The following CNTN5 variants were observed in gnomAD, a reference collection of about 807,000 sequenced individuals.
CNTN5 encodes the protein contactin 5, also known as contactin-5.
In CNTN5, 77 loss-of-function variants were observed where a neutral mutation model predicts 129.1. The observed-to-expected ratio is 0.60, with a 90% CI of 0.50 to 0.72. The LOEUF is 0.72. Ranked by LOEUF, CNTN5 falls within the 30% of genes least tolerant of loss-of-function variation. CNTN5 has a pLI of 0.00. For synonymous variants in CNTN5, 509 were observed against 465.6 expected, an observed-to-expected ratio of 1.09 and a Z score of -1.20; for missense variants, 1,478 against 1,328.8, an observed-to-expected ratio of 1.11 and a Z score of -1.75.
intron 3 of CNTN5, among the ~76,000 whole-genome samples, chr11:99,792,098 C>T (rs944432260): frequency 2.6e-5 from 4 of 151,840 alleles, no homozygotes; most frequent in Non-Finnish European, 5.9e-5. Context: ...ATTTTTTTCT[C>T]TTGCCTGTTT....
intron 13 of CNTN5, among the ~76,000 whole-genome samples, chr11:100,115,136 A>AG (rs1242808292): frequency 1.5e-4 from 22 of 150,174 alleles, no homozygotes; most frequent in African/African-American, 2.2e-4. Flanking sequence ...AAAAAAAAAA[A>AG]AAAGAAAGAA....
At chr11:100,206,175 T>A (rs1200148497) in intron 15 of CNTN5, among the ~76,000 whole-genome samples, 1 of 151,988 alleles carries the variant, frequency 6.6e-6, no homozygotes, top group African/African-American at 2.4e-5. Flanking sequence ...CTAAACCAAA[T>A]GTTACCTGTG....
At chr11:99,877,879 A>G (rs952368609) in intron 6 of CNTN5, among the ~76,000 whole-genome samples, 4 of 152,162 alleles carry the variant, frequency 2.6e-5, no homozygotes, top group Non-Finnish European at 5.9e-5. Flanking sequence ...ACCATTCACT[A>G]TCAAAAGTTT....
chr11:99,715,354 C>T (rs1483154145), intron 3 of CNTN5, among the ~76,000 whole-genome samples: 1 of 151,692 alleles, frequency 6.6e-6, no homozygotes, highest in Non-Finnish European at 1.5e-5. Flanking sequence ...TGAGGCCATC[C>T]TTCCCACCTC....
At chr11:100,186,690 C>G (rs186512304) in intron 13 of CNTN5, among the ~76,000 whole-genome samples, 20 of 152,204 alleles carry the variant, frequency 1.3e-4, no homozygotes, top group Non-Finnish European at 2.2e-4. Flanking sequence ...CCCCTGAAAA[C>G]CTTCACCTCA....
intron 7 of CNTN5, among the ~76,000 whole-genome samples, chr11:99,940,875 C>CA (rs1384206839): frequency 6.6e-6 from 1 of 151,108 alleles, no homozygotes. Context: ...AAAAGTAATG[C>CA]AAAACTGTAC....
chr11:99,337,426 A>T (rs1007077491), intron 2 of CNTN5, among the ~76,000 whole-genome samples: 1 of 152,222 alleles, frequency 6.6e-6, no homozygotes, highest in African/African-American at 2.4e-5. Context: ...TTGTTTCTAT[A>T]GATACTAAAT....
At chr11:100,256,191 C>T (rs1411635768) in intron 17 of CNTN5, among the ~76,000 whole-genome samples, 1 of 152,094 alleles carries the variant, frequency 6.6e-6, no homozygotes, top group Non-Finnish European at 1.5e-5. Flanking sequence ...AAAAATAGTA[C>T]AGAGTTCCTG....
chr11:100,161,830 T>TACACACACACACACACACAC (rs71050053), intron 13 of CNTN5, among the ~76,000 whole-genome samples: 87 of 125,884 alleles, frequency 6.9e-4, no homozygotes, highest in Admixed American at 2.1e-3. Context: ...TGGAGCTTCC[T>TACACACACACACACACACAC]ACACACACAC....
chr11:99,540,798 G>C (rs1427948415), intron 2 of CNTN5, among the ~76,000 whole-genome samples: 1 of 152,114 alleles, frequency 6.6e-6, no homozygotes, highest in Non-Finnish European at 1.5e-5. Context: ...TATGATAGAT[G>C]TACAGGTGCT....
intron 1 of CNTN5, among the ~76,000 whole-genome samples, chr11:99,167,634 A>G (rs10892836): frequency 0.52 from 78,425 of 151,866 alleles, 21,125 homozygotes; most frequent in African/African-American, 0.66. Flanking sequence ...ATAGTGATCC[A>G]TTATCTAACT....
chr11:99,904,338 G>A (rs567483731), intron 6 of CNTN5, among the ~76,000 whole-genome samples: 5 of 147,880 alleles, frequency 3.4e-5, no homozygotes, highest in African/African-American at 7.5e-5. Context: ...TCCCCTCCCC[G>A]TGTCCGTGTG....
chr11:99,778,686 C>G (rs1255404230), intron 3 of CNTN5, among the ~76,000 whole-genome samples: 1 of 151,512 alleles, frequency 6.6e-6, no homozygotes, highest in African/African-American at 2.4e-5. Flanking sequence ...ATTATGCATC[C>G]TAAGATCTTC....
intron 16 of CNTN5, among the ~76,000 whole-genome samples, chr11:100,251,472 T>A (rs1324727508): frequency 6.6e-6 from 1 of 152,124 alleles, no homozygotes; most frequent in East Asian, 1.9e-4. Context: ...CTATGGATAT[T>A]GTTAACTATA....
intron 2 of CNTN5, among the ~76,000 whole-genome samples, chr11:99,385,995 T>C (rs1940902902): frequency 6.6e-6 from 1 of 152,188 alleles, no homozygotes; most frequent in African/African-American, 2.4e-5. Context: ...CTCAGTATAT[T>C]TCCCTTGGGT....
intron 8 of CNTN5, among the ~76,000 whole-genome samples, chr11:99,967,537 A>G (rs1237324703): frequency 6.6e-6 from 1 of 152,148 alleles, no homozygotes; most frequent in East Asian, 1.9e-4. Flanking sequence ...CATCCTGATG[A>G]GGCCAAGCTC....
chr11:99,366,776 T>G lies in CNTN5; in HGVS notation c.-71+41292T>G, dbSNP rs571630106. On this transcript the variant is annotated intron_variant, in intron 2 of 24. Transcript: ENST00000524871. ...GCTTTTCATCTTTGATAAGGAAAGATTTTTTGTGTCAAAATATCTCGCCAG... is the reference window on the plus strand; with the variant it reads ...GCTTTTCATCTTTGATAAGGAAAGAGTTTTTGTGTCAAAATATCTCGCCAG... 1.6e-4 allele frequency among the ~76,000 whole-genome samples: 25 copies of G among 152,274 alleles called. No individual in the cohort carries two copies. The South Asian group carries it at 5.0e-3, about 30-fold the overall frequency.
chr11:99,616,242 G>A (rs1167889494), intron 3 of CNTN5, among the ~76,000 whole-genome samples: 1 of 151,986 alleles, frequency 6.6e-6, no homozygotes, highest in Non-Finnish European at 1.5e-5. Context: ...ATTCCGATGT[G>A]GCAGTCACTA....
chr11:99,677,254 A>T (rs1398006060), intron 3 of CNTN5, among the ~76,000 whole-genome samples: 1 of 152,120 alleles, frequency 6.6e-6, no homozygotes, highest in Non-Finnish European at 1.5e-5. Flanking sequence ...TTCTCTAATT[A>T]TCTTCTCTGT....
Sources: gnomAD v4.1 joint callset for allele counts (sites outside exome capture counted in the v4.1 genomes callset) on GRCh38, gnomAD v4.1.1 for gene constraint, MANE v1.5 for transcripts, NCBI Gene and HGNC (gene_info 2026-07-23, HGNC 2026-07-21) for gene names.